Variants in CRADD observed in about 807,000 individuals in gnomAD.
CRADD encodes the protein CARD and death domain containing adaptor protein.
Under a neutral mutation model 15.5 loss-of-function variants are expected in CRADD, and 9 were observed. That is an observed-to-expected ratio of 0.58 (90% confidence interval 0.35 to 1.01). CRADD has a LOEUF of 1.01. Among genes scored for constraint, CRADD ranks in the 50% least tolerant of loss-of-function variants. The pLI is 0.02. For missense variants in CRADD, 227 were observed against 250.3 expected (o/e 0.91, Z 0.63); for synonymous variants, 118 against 107.6 (o/e 1.10, Z -0.60).
rs1957023155 is a variant in CRADD, at chr12:93,765,998, A to G, written c.299-83972A>G. Among the ~76,000 whole-genome samples, 4 of 152,362 alleles carry G rather than the reference A, an allele frequency of 2.6e-5. No homozygotes were observed. In the South Asian group the frequency reaches 6.2e-4, roughly 24 times the overall value. Reference sequence around the variant, plus strand: ...CATTTTGAAAGTGATTGAAATTGACATTCCTTAAAAAGGTAGTTTATTGCC... The same window carrying G: ...CATTTTGAAAGTGATTGAAATTGACGTTCCTTAAAAAGGTAGTTTATTGCC... On this transcript the variant is annotated intron_variant, in intron 2 of 2. Transcript: ENST00000332896.
intron 2 of CRADD, among the ~76,000 whole-genome samples, chr12:93,883,838 CAATAA>C (rs1023214326): frequency 3.3e-5 from 5 of 151,870 alleles, no homozygotes; most frequent in African/African-American, 9.7e-5. Flanking sequence ...GTCTCTAAAA[CAATAA>C]AATAAAATAA....
chr12:93,774,867 G>A (rs1957124934), intron 2 of CRADD, among the ~76,000 whole-genome samples: 1 of 152,192 alleles, frequency 6.6e-6, no homozygotes, highest in South Asian at 2.1e-4. Flanking sequence ...TAAATGAAAT[G>A]AGGAGCAAGG....
intron 2 of CRADD, among the ~76,000 whole-genome samples, chr12:93,871,292 T>C (rs1251607503): frequency 6.6e-6 from 1 of 152,216 alleles, no homozygotes; most frequent in Non-Finnish European, 1.5e-5. Flanking sequence ...TTGTTTATCT[T>C]GCCTCACATT....
chr12:93,874,564 A>C lies in CRADD; in HGVS notation c.299-19486A>C, dbSNP rs576364721. Among the ~76,000 whole-genome samples, 12 of 152,056 alleles carry C rather than the reference A, an allele frequency of 7.9e-5. No individual in the cohort carries two copies. In the South Asian group the frequency reaches 1.9e-3, roughly 24 times the overall value. On this transcript the variant is annotated intron_variant, in intron 2 of 2. Coordinates refer to the CRADD transcript ENST00000548483. Reference sequence around the variant, plus strand: ...GTTTTCCCTCTTTTTTGATGTAAGCACTTATAGCTGTAAGTTTCCCTCTTA... The same window carrying C: ...GTTTTCCCTCTTTTTTGATGTAAGCCCTTATAGCTGTAAGTTTCCCTCTTA...
At chr12:93,840,915 G>C (rs1480066854) in intron 2 of CRADD, among the ~76,000 whole-genome samples, 1 of 152,128 alleles carries the variant, frequency 6.6e-6, no homozygotes, top group Non-Finnish European at 1.5e-5. Context: ...AGACAAGTGT[G>C]CATCCTTGTC....
At chr12:93,886,162 C>CATTTTTT (rs1555231623) in intron 2 of CRADD, among the ~76,000 whole-genome samples, 2 of 123,948 alleles carry the variant, frequency 1.6e-5, no homozygotes. Flanking sequence ...GCTGCTGATG[C>CATTTTTT]TTTTTTTTTT....
intron 2 of CRADD, among the ~76,000 whole-genome samples, chr12:93,729,253 C>G (rs1424365374): frequency 6.6e-6 from 1 of 152,114 alleles, no homozygotes; most frequent in Non-Finnish European, 1.5e-5. Flanking sequence ...GGTGGCACAT[C>G]AAGTCAGTGA....
intron 1 of CRADD, among the ~76,000 whole-genome samples, 199 bp from the exon 2 acceptor site, chr12:93,678,570 C>T (rs1450218711): frequency 6.6e-6 from 1 of 152,016 alleles, no homozygotes; most frequent in East Asian, 1.9e-4. Context: ...GATGATTCAT[C>T]TTCATTGTTG....
intron 2 of CRADD, among the ~76,000 whole-genome samples, chr12:93,763,004 A>C (rs796374055): frequency 7.2e-5 from 11 of 152,114 alleles, no homozygotes; most frequent in African/African-American, 2.7e-4. Context: ...AACGTAAGCA[A>C]CTCTGAACCC....
chr12:93,832,888 T>TA (rs1957925773), intron 2 of CRADD, among the ~76,000 whole-genome samples: 1 of 152,240 alleles, frequency 6.6e-6, no homozygotes, highest in African/African-American at 2.4e-5. Flanking sequence ...ATGTTGAACT[T>TA]ACAATAGTTA....
intron 2 of CRADD, among the ~76,000 whole-genome samples, chr12:93,886,048 A>G (rs1176442483): frequency 6.6e-6 from 1 of 152,068 alleles, no homozygotes; most frequent in East Asian, 1.9e-4. Flanking sequence ...CACATAAAAT[A>G]AAATAAGGAT....
chr12:93,690,748 A>G (rs183110479), intron 2 of CRADD, among the ~76,000 whole-genome samples: 1 of 152,224 alleles, frequency 6.6e-6, no homozygotes, highest in South Asian at 2.1e-4. Flanking sequence ...AGTCTGGCTC[A>G]CAGTCTGTGC....
intron 2 of CRADD, among the ~76,000 whole-genome samples, chr12:93,825,258 A>G (rs915568574): frequency 6.6e-6 from 1 of 152,214 alleles, no homozygotes; most frequent in Non-Finnish European, 1.5e-5. Context: ...TCATCTAACC[A>G]GAGACTTAGC....
chr12:93,879,511 C>T (rs775027520), intron 2 of CRADD, among the ~76,000 whole-genome samples: 2 of 152,130 alleles, frequency 1.3e-5, no homozygotes, highest in African/African-American at 4.8e-5. Flanking sequence ...TCTCTTGCCA[C>T]GTCTGCCCCC....
At chr12:93,774,732 G>A (rs1046807930) in intron 2 of CRADD, among the ~76,000 whole-genome samples, 7 of 152,182 alleles carry the variant, frequency 4.6e-5, no homozygotes, top group African/African-American at 1.7e-4. Flanking sequence ...ACTCACTCAT[G>A]TGTTTAAATA....
chr12:93,892,915 T>C (rs1958586705), intron 2 of CRADD, among the ~76,000 whole-genome samples: 1 of 152,166 alleles, frequency 6.6e-6, no homozygotes, highest in Non-Finnish European at 1.5e-5. Flanking sequence ...TTTTCCTTGA[T>C]TAATCACAGT....
At chr12:93,776,983 A>G (rs145311658) in intron 2 of CRADD, among the ~76,000 whole-genome samples, 2 of 152,348 alleles carry the variant, frequency 1.3e-5, no homozygotes, top group African/African-American at 4.8e-5. Context: ...CTCTGAATAT[A>G]TTAAAAACCA....
intron 2 of CRADD, among the ~76,000 whole-genome samples, chr12:93,860,146 A>AC (rs1958308238): frequency 6.6e-6 from 1 of 151,830 alleles, no homozygotes; most frequent in Admixed American, 6.6e-5. Context: ...AAAAAAAAAA[A>AC]AGTTTTTATA....
At chr12:93,693,496 AAG>A (rs1955623526) in intron 2 of CRADD, among the ~76,000 whole-genome samples, 2 of 152,202 alleles carry the variant, frequency 1.3e-5, no homozygotes, top group African/African-American at 4.8e-5. Flanking sequence ...AAAAGAGACA[AAG>A]AGGGTCATTA....
Sources: allele counts gnomAD v4.1 joint callset (sites outside exome capture counted in the v4.1 genomes callset), GRCh38; gene constraint gnomAD v4.1.1; transcripts MANE v1.5; gene names NCBI Gene and HGNC (gene_info 2026-07-23, HGNC 2026-07-21).